The following AGAP6 variants were observed in gnomAD, a reference collection of about 807,000 sequenced individuals.
The protein encoded by AGAP6 is arf-GAP with GTPase, ANK repeat and PH domain-containing protein 6.
A neutral mutation model predicts 63.9 loss-of-function variants in AGAP6; 29 were observed. The ratio of observed to expected loss-of-function variants is 0.45; its 90% CI spans 0.34 to 0.62. The LOEUF (loss-of-function observed/expected upper bound fraction) is 0.62, where lower values mean the gene tolerates loss of function less well. AGAP6 is among the 20% of genes least tolerant of loss of function. The pLI is 0.01. For synonymous variants in AGAP6, 199 were observed against 332.9 expected, an observed-to-expected ratio of 0.60 and a Z score of 4.38; for missense variants, 493 against 884.9, an observed-to-expected ratio of 0.56 and a Z score of 5.62.
chr10:49,996,753 T>C lies in AGAP6; in HGVS notation c.396+2324T>C, dbSNP rs576490544. The stretch of plus-strand genomic sequence containing the variant: ...TGACCTTGCTGGCTTTTTTTTTTTT[T>C]TTTCACATTTTACCCTACTTTCCAA... On this transcript the variant is annotated intron_variant, in intron 4 of 7. Transcript: ENST00000412531. Among the ~76,000 whole-genome samples the C allele has an allele frequency of 2.0e-5, 3 of 151,532 alleles. No homozygotes were observed. The South Asian group carries it at 6.3e-4, about 32-fold the overall frequency.
rs1201769306 is a variant in AGAP6 at position 50,008,972 on chromosome 10, C to T, written c.847C>T (p.Pro283Ser). The T allele has an allele frequency of 6.2e-7, 1 of 1,613,808 alleles. No homozygotes were observed. Among genetic ancestry groups the T allele is most frequent in the Non-Finnish European group, 8.5e-7 (1 of 1,179,898 alleles). ...ADTIGSGRAI[P>S]IKQGMLLKRS... Reference sequence around the variant, plus strand: ...CACCATCGGGAGCGGTAGAGCCATCCCCATTAAACAGGGCATGCTCTTAAA... The same window carrying T: ...CACCATCGGGAGCGGTAGAGCCATCTCCATTAAACAGGGCATGCTCTTAAA... The change falls in exon 8 of 8, where the codon CCC becomes TCC. Residue 283 changes from proline to serine, a missense_variant. This residue lies in a region of AGAP6 where 342 missense variants were observed against 533.4 expected (regional missense o/e 0.64). Coordinates refer to ENST00000412531, the MANE Select transcript of AGAP6 (RefSeq NM_001077665.3).
intron 6 of AGAP6, among the ~76,000 whole-genome samples, chr10:50,005,342 T>C (rs1394814922): frequency 2.0e-5 from 3 of 152,232 alleles, no homozygotes; most frequent in Non-Finnish European, 4.4e-5. Flanking sequence ...CTGGGCACGG[T>C]GGCTCACGCC....
rs1554861030 is a variant in AGAP6, at chr10:49,991,762, T to C, written c.361+18T>C. 7 of 1,598,144 alleles carry C rather than the reference T, an allele frequency of 4.4e-6. No homozygotes were observed. Among genetic ancestry groups the C allele is most frequent in the Non-Finnish European group, 5.9e-6 (7 of 1,179,742 alleles). ...AACAGATGGTGAGACGACATTGTCT[T>C]TTCCACCAAGAGAAAGAATAAAAGC... On this transcript the variant is annotated intron_variant, in intron 3 of 7. Coordinates refer to ENST00000412531, the MANE Select transcript of AGAP6 (RefSeq NM_001077665.3).
chr10:49,993,504 G>T (rs1841364346), intron 3 of AGAP6, among the ~76,000 whole-genome samples: 1 of 152,022 alleles, frequency 6.6e-6, no homozygotes, highest in Admixed American at 6.6e-5. Flanking sequence ...GTCCAATTAG[G>T]TTTGTATACT....
Position 49,989,006 on chromosome 10 carries a change from T to C in AGAP6, c.223+68T>C, listed in dbSNP as rs1841154771. 3.1e-6 allele frequency: 5 copies of C among 1,598,618 alleles called. No individual in the cohort carries two copies. The South Asian group carries it at 4.4e-5, about 14-fold the overall frequency. Reference sequence around the variant, plus strand: ...GCTGCTGCTGTCCCCATGGTTCCCTTTGAGGCATCCCACACTTCGAGCTCC... The same window carrying C: ...GCTGCTGCTGTCCCCATGGTTCCCTCTGAGGCATCCCACACTTCGAGCTCC... On this transcript the variant is annotated intron_variant, in intron 1 of 7. Coordinates refer to ENST00000412531, the MANE Select transcript of AGAP6 (RefSeq NM_001077665.3).
intron 5 of AGAP6, among the ~76,000 whole-genome samples, chr10:50,003,496 T>G (rs1841789868): frequency 6.6e-6 from 1 of 152,156 alleles, no homozygotes; most frequent in Non-Finnish European, 1.5e-5. Flanking sequence ...GAGGCATCTT[T>G]CTGTGAAGAA....
Position 50,002,062 on chromosome 10 carries a change from G to A in AGAP6, c.463G>A (p.Ala155Thr), listed in dbSNP as rs782585572. 1.1e-5 allele frequency: 17 copies of A among 1,611,452 alleles called. 1 individual carries two copies. Among genetic ancestry groups the A allele is most frequent in the Non-Finnish European group, 1.2e-5 (14 of 1,179,854 alleles). Residue 155 changes from alanine to threonine, a missense_variant, in exon 5 of 8, where the codon GCC becomes ACC. By Grantham distance (58) the Ala-to-Thr change is moderately conservative (BLOSUM62 0). Coordinates refer to ENST00000412531, the MANE Select transcript of AGAP6 (RefSeq NM_001077665.3). ...CSTIFLDDST[A>T]IQHYLTMTII... ...GACAATATTCCTTGATGACAGCACAGCCATCCAGCATTATCTTACAATGAC... is the reference window on the plus strand; with the variant it reads ...GACAATATTCCTTGATGACAGCACAACCATCCAGCATTATCTTACAATGAC...
intron 6 of AGAP6, 100 bp from the exon 7 acceptor site, chr10:50,007,925 A>G: frequency 6.3e-7 from 1 of 1,597,894 alleles, no homozygotes; most frequent in South Asian, 1.1e-5. Flanking sequence ...CTGCTTTGGT[A>G]AAGTAAACAC....
At chr10:50,004,361 AT>A (rs1186443503) in intron 5 of AGAP6, among the ~76,000 whole-genome samples, 1 of 151,214 alleles carries the variant, frequency 6.6e-6, no homozygotes, top group East Asian at 1.9e-4. Context: ...GGGTCAAAAA[AT>A]AAATAAATAC....
chr10:49,990,575 T>A (rs1448285012), intron 2 of AGAP6, among the ~76,000 whole-genome samples: 4 of 152,090 alleles, frequency 2.6e-5, no homozygotes, highest in African/African-American at 4.8e-5. Context: ...AAGAGATGAA[T>A]CTAAGTAAAA....
intron 4 of AGAP6, among the ~76,000 whole-genome samples, chr10:50,001,306 G>A (rs1841684682): frequency 6.6e-6 from 1 of 150,504 alleles, no homozygotes; most frequent in African/African-American, 2.5e-5. Flanking sequence ...CTCCAGCCTG[G>A]GCGACAGAGC....
chr10:50,007,991 A>G (rs782624288), intron 6 of AGAP6, 34 bp from the exon 7 acceptor site: 1 of 1,611,848 alleles, frequency 6.2e-7, no homozygotes, highest in South Asian at 1.1e-5. Flanking sequence ...AGATATTAAC[A>G]GTTTTTGAAG....
rs1396049264 is a variant in AGAP6 at position 49,991,725 on chromosome 10, G to A, written c.342G>A (p.Gln114=). The A allele has an allele frequency of 6.3e-7, 1 of 1,598,582 alleles. No homozygotes were observed. The highest frequency in any genetic ancestry group is 1.3e-5 in the African/African-American group (1 of 74,894). Residue 114 remains glutamine, a synonymous_variant, in exon 3 of 8, where the codon CAG becomes CAA. Transcript: ENST00000412531. ...ATCCAGAGGCAAGCACAATATTCCAGAGGAACTCTCAAACAGATGGTGAGA... is the reference window on the plus strand; with the variant it reads ...ATCCAGAGGCAAGCACAATATTCCAAAGGAACTCTCAAACAGATGGTGAGA... The part of the protein sequence containing the change: ...SANPEASTIF[Q]RNSQTDVVEI...
chr10:49,999,111 A>G (rs2132139238), intron 4 of AGAP6, among the ~76,000 whole-genome samples: 1 of 136,428 alleles, frequency 7.3e-6, no homozygotes, highest in African/African-American at 2.8e-5. Flanking sequence ...GGTGGCGCTC[A>G]CCTGTAATCC....
In AGAP6 at chr10:50,009,174, C is replaced by T. The variant is rs1213368567; in HGVS notation, c.1049C>T (p.Ser350Leu). The T allele has an allele frequency of 1.4e-5, 23 of 1,614,208 alleles. No individual in the cohort carries two copies. Among genetic ancestry groups the T allele is most frequent in the South Asian group, 6.6e-5 (6 of 91,086 alleles). The change falls in exon 8 of 8, where the codon TCG becomes TTG. Residue 350 changes from serine to leucine, a missense_variant. This residue lies in a region of AGAP6 where 342 missense variants were observed against 533.4 expected (regional missense o/e 0.64). Transcript: ENST00000412531. ...GGAAAGTGGCCATCCCTAGCCACAT[C>T]GGCCTGCACACCCATCTCCAGCTCT... ...VPGKWPSLAT[S>L]ACTPISSSKS...
Position 50,008,040 on chromosome 10 carries a change from T to A in AGAP6, c.549T>A (p.Thr183=), listed in dbSNP as rs2132163587. The part of the protein sequence containing the change: ...HHITQRDADR[T]LSIPDEQLHS... ...TATTTTATAGAGATGCAGATAGAAC[T>A]TTGAGCATACCTGATGAACAGTTAC... Residue 183 remains threonine (T), a synonymous_variant, in exon 7 of 8, where the codon ACT becomes ACA. Coordinates refer to ENST00000412531, the MANE Select transcript of AGAP6 (RefSeq NM_001077665.3). The A allele has an allele frequency of 6.2e-7, 1 of 1,611,982 alleles. No individual in the cohort carries two copies. Among genetic ancestry groups the A allele is most frequent in the East Asian group, 2.2e-5 (1 of 44,866 alleles).
chr10:50,009,112 A>G lies in AGAP6; in HGVS notation c.987A>G (p.Lys329=), dbSNP rs1161057795. The G allele has an allele frequency of 6.2e-7, 1 of 1,613,768 alleles. No individual in the cohort carries two copies. Among genetic ancestry groups the G allele is most frequent in the African/African-American group, 1.3e-5 (1 of 74,920 alleles). The change falls in exon 8 of 8, where the codon AAA becomes AAG. Residue 329 remains lysine, a synonymous_variant. Transcript: ENST00000412531. ...ATTATATGAAGAATATTCATAAAAAAGAGATTGACCTTCAGACATCTACCA... is the reference window on the plus strand; with the variant it reads ...ATTATATGAAGAATATTCATAAAAAGGAGATTGACCTTCAGACATCTACCA... ...LGDYMKNIHK[K]EIDLQTSTIK...
intron 4 of AGAP6, 96 bp from the exon 5 acceptor site, chr10:50,001,900 A>G (rs1371679908): frequency 4.1e-6 from 5 of 1,225,694 alleles, no homozygotes; most frequent in Middle Eastern, 2.7e-4. Flanking sequence ...CAGTTCATGG[A>G]GTGTAAGACA....
intron 3 of AGAP6, among the ~76,000 whole-genome samples, chr10:49,993,923 A>G (rs1208516245): frequency 6.6e-6 from 1 of 152,100 alleles, no homozygotes; most frequent in Non-Finnish European, 1.5e-5. Flanking sequence ...GATAACCACT[A>G]AGTGTGGTTC....
Sources: allele counts gnomAD v4.1 joint callset (sites outside exome capture counted in the v4.1 genomes callset), GRCh38; gene constraint gnomAD v4.1.1; regional missense constraint gnomAD v4.1.1; transcripts MANE v1.5; gene names NCBI Gene and HGNC (gene_info 2026-07-23, HGNC 2026-07-21).